The following GLT8D2 variants were observed in gnomAD, a reference collection of about 807,000 sequenced individuals.
GLT8D2 encodes glycosyltransferase 8 domain-containing protein 2.
GLT8D2 carries 45 observed loss-of-function variants against 44.5 expected under a neutral mutation model. That is an observed-to-expected ratio of 1.01 (90% CI 0.80 to 1.30). GLT8D2 has a LOEUF of 1.30. GLT8D2 is among the 50% of genes most tolerant of loss of function. The pLI is 0.00. For synonymous variants in GLT8D2, 156 were observed against 157.2 expected (o/e 0.99, Z 0.06); for missense variants, 400 against 430.4 (o/e 0.93, Z 0.62).
intron 1 of GLT8D2, among the ~76,000 whole-genome samples, chr12:104,022,074 GAAAA>G (rs72438249): frequency 2.3e-5 from 2 of 88,406 alleles, no homozygotes; most frequent in Non-Finnish European, 4.6e-5. Context: ...AAGAAAGAAA[GAAAA>G]AAAAAGAAAG....
At chr12:104,026,640 A>G (rs1878611092) in intron 1 of GLT8D2, among the ~76,000 whole-genome samples, 1 of 152,234 alleles carries the variant, frequency 6.6e-6, no homozygotes, top group African/African-American at 2.4e-5. Context: ...ACCATTAGAT[A>G]AGGATTTTAG....
chr12:104,016,897 A>AAAGAAAGAAAGG (rs1876944460), intron 3 of GLT8D2, among the ~76,000 whole-genome samples: 1 of 152,064 alleles, frequency 6.6e-6, no homozygotes, highest in South Asian at 2.1e-4. Context: ...ATAAAGAGAG[A>AAAGAAAGAAAGG]AAGAAAGAAA....
chr12:103,996,908 C>A, intron 7 of GLT8D2, 61 bp from the exon 8 acceptor site: 1 of 1,155,992 alleles, frequency 8.7e-7, no homozygotes, highest in South Asian at 1.4e-5. Context: ...CTAGATAGAG[C>A]CTTAGAGCTT....
chr12:103,994,382 G>T lies in GLT8D2; in HGVS notation c.720C>A (p.His240Gln), dbSNP rs2136272275. Residue 240 changes from histidine (H) to glutamine (Q), a missense_variant, in exon 9 of 11, where the codon CAC becomes CAA. Coordinates refer to ENST00000360814, the MANE Select transcript of GLT8D2 (RefSeq NM_001384711.1). The part of the protein sequence containing the change: ...VIVANMTEWK[H>Q]QRITKQLEKW... ...TCTCCAATTGCTTGGTGATGCGCTG[G>T]TGCTTCCATTCTGTCATGTTGGCAA... is the stretch of plus-strand genomic sequence containing the variant. 6.2e-7 allele frequency: 1 copy of T among 1,614,024 alleles called. No individual in the cohort carries two copies. The highest frequency in any genetic ancestry group is 1.1e-5 in the South Asian group (1 of 91,068).
chr12:104,007,543 G>C (rs1875230350), intron 4 of GLT8D2, among the ~76,000 whole-genome samples: 1 of 152,078 alleles, frequency 6.6e-6, no homozygotes, highest in South Asian at 2.1e-4. Context: ...ACTGACATGA[G>C]AGAATGCTCA....
chr12:103,995,139 C>T (rs2136274334), intron 8 of GLT8D2, among the ~76,000 whole-genome samples: 1 of 152,314 alleles, frequency 6.6e-6, no homozygotes, highest in Middle Eastern at 3.4e-3. Context: ...ATAATTGCCA[C>T]TCAATGGATT....
At chr12:104,009,671 C>A (rs1441888183) in intron 4 of GLT8D2, among the ~76,000 whole-genome samples, 1 of 152,146 alleles carries the variant, frequency 6.6e-6, no homozygotes, top group South Asian at 2.1e-4. Context: ...TGTGTCCCCA[C>A]CCAAATCTCA....
intron 1 of GLT8D2, among the ~76,000 whole-genome samples, chr12:104,047,558 A>G (rs144742581): frequency 0.073 from 11,096 of 152,088 alleles, 574 homozygotes; most frequent in Non-Finnish European, 0.11. Context: ...CACCTGCCTC[A>G]GCCTCCCAAA....
intron 1 of GLT8D2, among the ~76,000 whole-genome samples, chr12:104,039,497 A>T (rs1880304390): frequency 6.6e-6 from 1 of 152,260 alleles, no homozygotes; most frequent in South Asian, 2.1e-4. Context: ...ATATGAACAG[A>T]CACTTCTCAA....
chr12:104,043,817 T>C (rs1880816634), intron 1 of GLT8D2, among the ~76,000 whole-genome samples: 1 of 152,202 alleles, frequency 6.6e-6, no homozygotes, highest in Non-Finnish European at 1.5e-5. Context: ...TGGTGTTTCC[T>C]TAACCCCTCT....
intron 4 of GLT8D2, among the ~76,000 whole-genome samples, chr12:104,013,698 G>A (rs558218238): frequency 6.6e-6 from 1 of 151,862 alleles, no homozygotes; most frequent in African/African-American, 2.4e-5. Context: ...CAGTCCCTAA[G>A]TGTCTGACTG....
At position 103,994,594 on chromosome 12, in the gene GLT8D2, G is replaced by T. The variant is rs748011176; in HGVS notation, c.601-93C>A. 14 of 1,198,542 alleles carry T rather than the reference G, an allele frequency of 1.2e-5. No individual in the cohort carries two copies. The Middle Eastern group carries it at 2.3e-3, about 195-fold the overall frequency. 74.2% of individuals were successfully genotyped at this position (1,198,542 alleles called of 1,614,324 possible). A position where few individuals can be genotyped will look rare whatever the true frequency, so the allele number is the denominator to read the frequency against. ...CTTGAAACCCTTGTGCAGTATCTTTGGGTTTCCTCCTGTGTCACTGGCCAC... is the reference window on the plus strand; with the variant it reads ...CTTGAAACCCTTGTGCAGTATCTTTTGGTTTCCTCCTGTGTCACTGGCCAC... On this transcript the variant is annotated intron_variant, in intron 8 of 10. Transcript: ENST00000360814.
intron 1 of GLT8D2, among the ~76,000 whole-genome samples, chr12:104,056,255 C>T (rs1882176490): frequency 3.3e-5 from 5 of 152,236 alleles, no homozygotes; most frequent in Admixed American, 3.3e-4. Flanking sequence ...TTTCCCTCAC[C>T]TTGGCAACAG....
intron 4 of GLT8D2, chr12:104,012,815 A>C (rs1305010885): frequency 7.1e-6 from 5 of 699,448 alleles, no homozygotes; most frequent in Non-Finnish European, 1.3e-5. Flanking sequence ...TATCCCAGTA[A>C]GACTGGTATC....
At chr12:104,004,963 G>A (rs979181507) in intron 4 of GLT8D2, among the ~76,000 whole-genome samples, 3 of 152,052 alleles carry the variant, frequency 2.0e-5, no homozygotes, top group African/African-American at 7.2e-5. Flanking sequence ...GAGGCATCAC[G>A]CTACCTGACT....
At chr12:104,057,829 TC>T (rs1261271053) in intron 1 of GLT8D2, among the ~76,000 whole-genome samples, 5 of 152,104 alleles carry the variant, frequency 3.3e-5, no homozygotes, top group Non-Finnish European at 7.3e-5. Flanking sequence ...TTTCTTTTTT[TC>T]CCCCCTTGCT....
chr12:104,020,558 G>A (rs1229100315), intron 2 of GLT8D2, among the ~76,000 whole-genome samples: 1 of 152,152 alleles, frequency 6.6e-6, no homozygotes, highest in Non-Finnish European at 1.5e-5. Context: ...GGTCCAGTGG[G>A]GGAAACAGAT....
chr12:104,011,368 G>GC (rs1215704066), intron 4 of GLT8D2, among the ~76,000 whole-genome samples: 1 of 152,194 alleles, frequency 6.6e-6, no homozygotes, highest in East Asian at 1.9e-4. Flanking sequence ...AAATGATACT[G>GC]CCTTCGTCCA....
At chr12:104,005,928 G>T (rs572541513) in intron 4 of GLT8D2, among the ~76,000 whole-genome samples, 95 of 152,256 alleles carry the variant, frequency 6.2e-4, no homozygotes, top group African/African-American at 2.2e-3. Flanking sequence ...AAAGACACAT[G>T]CACACGTATG....
Sources: allele counts gnomAD v4.1 joint callset (sites outside exome capture counted in the v4.1 genomes callset), GRCh38; gene constraint gnomAD v4.1.1; transcripts MANE v1.5; gene names NCBI Gene and HGNC (gene_info 2026-07-23, HGNC 2026-07-21).